CTNND2: variants seen among roughly 807,000 people sequenced by gnomAD.
CTNND2 encodes the protein catenin delta 2.
A neutral mutation model predicts 144.4 loss-of-function variants in CTNND2; 22 were observed. The observed-to-expected ratio is 0.15, with a 90% CI of 0.11 to 0.22. The LOEUF (loss-of-function observed/expected upper bound fraction) is 0.22. Among genes scored for constraint, CTNND2 ranks in the 10% least tolerant of loss-of-function variants. The probability of loss-of-function intolerance (pLI) is 1.00; values close to 1 mark genes in which losing one functional copy is unlikely to be tolerated. For missense variants in CTNND2, 1,353 were observed against 1,618.8 expected (o/e 0.84, Z 2.82); for synonymous variants, 751 against 695.6 (o/e 1.08, Z -1.25).
intron 2 of CTNND2, among the ~76,000 whole-genome samples, chr5:11,616,862 C>T (rs1189417164): frequency 6.6e-6 from 1 of 152,212 alleles, no homozygotes; most frequent in Non-Finnish European, 1.5e-5. Flanking sequence ...ATATCTCTGC[C>T]TCCCAAAGTG....
chr5:11,125,526 G>A (rs1355589010), intron 12 of CTNND2, among the ~76,000 whole-genome samples: 1 of 152,182 alleles, frequency 6.6e-6, no homozygotes, highest in Non-Finnish European at 1.5e-5. Context: ...GTGACACAGG[G>A]CAGCTGCTCA....
chr5:11,167,272 G>A (rs150901656), intron 11 of CTNND2, among the ~76,000 whole-genome samples: 559 of 152,272 alleles, frequency 3.7e-3, no homozygotes, highest in Non-Finnish European at 6.1e-3. Context: ...GCCACATAAC[G>A]CTTCAGGTCC....
At chr5:11,146,192 G>C (rs1489564652) in intron 12 of CTNND2, among the ~76,000 whole-genome samples, 2 of 152,134 alleles carry the variant, frequency 1.3e-5, no homozygotes, top group African/African-American at 4.8e-5. Context: ...GCAAAGTCCT[G>C]GGCACATACT....
At chr5:11,387,316 G>A (rs1759193980) in intron 6 of CTNND2, among the ~76,000 whole-genome samples, 2 of 152,094 alleles carry the variant, frequency 1.3e-5, no homozygotes, top group African/African-American at 4.8e-5. Flanking sequence ...AACTCTGGGG[G>A]AGGGGCTGAG....
At chr5:11,777,091 T>C (rs1790296182) in intron 1 of CTNND2, among the ~76,000 whole-genome samples, 1 of 152,236 alleles carries the variant, frequency 6.6e-6, no homozygotes, top group Non-Finnish European at 1.5e-5. Context: ...AAATAAATAA[T>C]TGTATAAGCA....
chr5:11,585,478 C>CCATCTA (rs2150135618), intron 2 of CTNND2, among the ~76,000 whole-genome samples: 1 of 88,820 alleles, frequency 1.1e-5, no homozygotes, highest in African/African-American at 4.8e-5. Flanking sequence ...TATATTTTAT[C>CCATCTA]TATGTATATC....
intron 2 of CTNND2, among the ~76,000 whole-genome samples, chr5:11,683,062 G>A (rs750622104): frequency 6.0e-4 from 91 of 152,100 alleles, no homozygotes; most frequent in Non-Finnish European, 1.2e-3. Flanking sequence ...ATGATGCATC[G>A]ATTTGTAATC....
chr5:11,048,550 C>G (rs1745514278), intron 16 of CTNND2, among the ~76,000 whole-genome samples: 1 of 152,192 alleles, frequency 6.6e-6, no homozygotes. Flanking sequence ...GTGCAACCAT[C>G]CACCCCATGG....
At chr5:11,847,480 A>G (rs1488342224) in intron 1 of CTNND2, among the ~76,000 whole-genome samples, 2 of 151,890 alleles carry the variant, frequency 1.3e-5, no homozygotes, top group African/African-American at 4.8e-5. Context: ...GAGGCTGGGA[A>G]GGAGGAGGAG....
At position 11,228,645 on chromosome 5, in the gene CTNND2, C is replaced by G. The variant is rs534100280; in HGVS notation, c.1761+8046G>C. On this transcript the variant is annotated intron_variant, in intron 10 of 21. Coordinates refer to ENST00000304623, the MANE Select transcript of CTNND2 (RefSeq NM_001332.4). ...GGACTACAGTGGGGCACCACCATGC[C>G]CAGCTAATTTTTGCATTTTTTGTAG... is the stretch of plus-strand genomic sequence containing the variant. Among the ~76,000 whole-genome samples the G allele has an allele frequency of 5.9e-5, 9 of 151,984 alleles. No homozygotes were observed. The South Asian group carries it at 1.9e-3, about 32-fold the overall frequency.
At chr5:11,694,427 CAA>C (rs367663248) in intron 2 of CTNND2, among the ~76,000 whole-genome samples, 4 of 102,864 alleles carry the variant, frequency 3.9e-5, no homozygotes, top group Admixed American at 1.1e-4. Context: ...CAGAGTCTCT[CAA>C]AAAAAAAAAA....
chr5:11,760,792 A>C (rs1789214785), intron 1 of CTNND2, among the ~76,000 whole-genome samples: 1 of 10,560 alleles, frequency 9.5e-5, no homozygotes, highest in South Asian at 0.036. Context: ...TACAGCATTT[A>C]TGTAGTTTTT....
intron 1 of CTNND2, among the ~76,000 whole-genome samples, chr5:11,821,777 G>C (rs552686294): frequency 9.9e-5 from 15 of 152,218 alleles, no homozygotes; most frequent in Admixed American, 4.6e-4. Flanking sequence ...TTATCAATTA[G>C]AAATATGAAA....
intron 15 of CTNND2, among the ~76,000 whole-genome samples, chr5:11,091,710 C>A (rs1750791702): frequency 6.6e-6 from 1 of 152,190 alleles, no homozygotes. Flanking sequence ...TGTACTGAGG[C>A]AAGACCCTAC....
chr5:11,417,506 A>G (rs756713662), intron 3 of CTNND2, among the ~76,000 whole-genome samples: 2 of 152,224 alleles, frequency 1.3e-5, no homozygotes, highest in African/African-American at 2.4e-5. Flanking sequence ...AGCTCATCAG[A>G]CATGCATAGC....
chr5:11,522,485 T>A (rs541666501), intron 3 of CTNND2, among the ~76,000 whole-genome samples: 1 of 152,318 alleles, frequency 6.6e-6, no homozygotes, highest in East Asian at 1.9e-4. Context: ...TGCCGCAGAC[T>A]ACAATCAACT....
At chr5:11,011,981 G>GTGA (rs35982377) in intron 18 of CTNND2, among the ~76,000 whole-genome samples, 7,925 of 152,076 alleles carry the variant, frequency 0.052, 291 homozygotes, top group Non-Finnish European at 0.075. Flanking sequence ...GAGGTGACTA[G>GTGA]TGATGATGAT....
chr5:11,758,553 T>C (rs1173596900), intron 1 of CTNND2, among the ~76,000 whole-genome samples: 1 of 151,994 alleles, frequency 6.6e-6, no homozygotes, highest in African/African-American at 2.4e-5. Flanking sequence ...TTTTAATGTG[T>C]TGTGAAGTCA....
At chr5:11,174,039 G>A (rs76465827) in intron 11 of CTNND2, among the ~76,000 whole-genome samples, 200 of 152,264 alleles carry the variant, frequency 1.3e-3, no homozygotes, top group African/African-American at 4.5e-3. Context: ...TAATTCAGAC[G>A]TAACACTGGC....
Sources: allele counts gnomAD v4.1 joint callset (sites outside exome capture counted in the v4.1 genomes callset), GRCh38; gene constraint gnomAD v4.1.1; transcripts MANE v1.5; gene names NCBI Gene and HGNC (gene_info 2026-07-23, HGNC 2026-07-21).